SGCG: variants seen among roughly 807,000 people sequenced by gnomAD.
SGCG encodes gamma-sarcoglycan.
A neutral mutation model predicts 29.3 loss-of-function variants in SGCG; 26 were observed. That is an observed-to-expected ratio of 0.89 (90% CI 0.65 to 1.23). The LOEUF is 1.23. Ranked by LOEUF, SGCG falls within the 50% of genes most tolerant of loss-of-function variation. The probability of loss-of-function intolerance (pLI) is 0.00; values close to 1 mark genes in which losing one functional copy is unlikely to be tolerated. For synonymous variants in SGCG, 145 were observed against 129.7 expected, an observed-to-expected ratio of 1.12 and a Z score of -0.80; for missense variants, 353 against 356.0, an observed-to-expected ratio of 0.99 and a Z score of 0.07.
chr13:23,324,287 G>C (rs1883148439), intron 7 of SGCG, 81 bp from the exon 8 acceptor site: 1 of 1,360,916 alleles, frequency 7.3e-7, no homozygotes, highest in African/African-American at 1.4e-5. Context: ...AAACTAATTG[G>C]AAATCTTGTG....
chr13:23,228,919 G>A lies in SGCG; in HGVS notation c.196-5692G>A, dbSNP rs537732443. Reference sequence around the variant, plus strand: ...AGGGTCCTGCCCTGTCACCCAGGCTGGAGTGCAGTGGCACGATCTTGGCTC... The same window carrying A: ...AGGGTCCTGCCCTGTCACCCAGGCTAGAGTGCAGTGGCACGATCTTGGCTC... On this transcript the variant is annotated intron_variant, in intron 2 of 7. Transcript: ENST00000218867. Among the ~76,000 whole-genome samples the A allele has an allele frequency of 3.9e-5, 6 of 152,288 alleles. No homozygotes were observed. In the South Asian group the frequency reaches 1.0e-3, roughly 26 times the overall value.
At chr13:23,249,934 A>T (rs1879897038) in intron 3 of SGCG, among the ~76,000 whole-genome samples, 1 of 152,198 alleles carries the variant, frequency 6.6e-6, no homozygotes, top group African/African-American at 2.4e-5. Context: ...TTTTTTGTTT[A>T]GGTATAATTC....
At chr13:23,303,987 C>T (rs1241443770) in intron 6 of SGCG, among the ~76,000 whole-genome samples, 1 of 152,102 alleles carries the variant, frequency 6.6e-6, no homozygotes, top group Non-Finnish European at 1.5e-5. Context: ...TTATAGTTTA[C>T]ATTTCTCTTA....
At chr13:23,224,255 AC>A (rs1368613573) in intron 2 of SGCG, among the ~76,000 whole-genome samples, 2 of 152,196 alleles carry the variant, frequency 1.3e-5, no homozygotes, top group African/African-American at 4.8e-5. Flanking sequence ...TTTTACTCCA[AC>A]ATATGTGTTA....
intron 6 of SGCG, among the ~76,000 whole-genome samples, chr13:23,299,433 TATATATATATA>T (rs1224951056): frequency 0.011 from 337 of 30,780 alleles, 60 homozygotes; most frequent in African/African-American, 0.022. Context: ...TATATATATA[TATATATATATA>T]TATATATATA....
rs754696173 is a variant in SGCG, at chr13:23,295,501, T to C, written c.578+14T>C. On this transcript the variant is annotated intron_variant, in intron 6 of 7. Transcript: ENST00000218867. ...TCAAGACCTTAGGTAAGAATTTTTG[T>C]TCAAATATTAACAACCTCTCCTGTA... The C allele has an allele frequency of 8.6e-5, 137 of 1,589,618 alleles. No homozygotes were observed. Among genetic ancestry groups the C allele is most frequent in the Non-Finnish European group, 1.2e-5 (14 of 1,157,706 alleles).
chr13:23,304,417 C>T (rs1164243045), intron 6 of SGCG, among the ~76,000 whole-genome samples: 1 of 151,842 alleles, frequency 6.6e-6, no homozygotes, highest in Non-Finnish European at 1.5e-5. Flanking sequence ...AGTTGGCCAA[C>T]CAGATGTGCC....
At chr13:23,272,091 C>T (rs1202345526) in intron 4 of SGCG, among the ~76,000 whole-genome samples, 1 of 152,138 alleles carries the variant, frequency 6.6e-6, no homozygotes, top group Non-Finnish European at 1.5e-5. Context: ...ACTATTATAT[C>T]ATCTGCAAAT....
chr13:23,244,713 T>C (rs1425118457), intron 3 of SGCG: 1 of 152,120 alleles, frequency 6.6e-6, no homozygotes, highest in Non-Finnish European at 1.5e-5. Context: ...TAGGAGTATG[T>C]TGTGGGCTCA....
chr13:23,322,753 G>GC (rs71100171), intron 7 of SGCG, among the ~76,000 whole-genome samples: 50 of 9,994 alleles, frequency 5.0e-3, no homozygotes, highest in Non-Finnish European at 6.6e-3. Flanking sequence ...TGCACAGACC[G>GC]CCCCCCACCC....
chr13:23,245,173 C>T (rs1879658237), intron 3 of SGCG: 1 of 152,202 alleles, frequency 6.6e-6, no homozygotes, highest in Non-Finnish European at 1.5e-5. Flanking sequence ...GGGTTCCTTT[C>T]GTCCTTGTGA....
rs1419600302 is a variant in SGCG at position 23,242,963 on chromosome 13, C to CA, written c.298-7661dup. 5.3e-5 allele frequency among the ~76,000 whole-genome samples: 8 copies of CA among 152,190 alleles called. No homozygotes were observed. The East Asian group carries it at 9.6e-4, about 18-fold the overall frequency. ...TGGAAAATAAAGTCTCTGGACTTCA[C>CA]AAAAAACATCAGTTTTTATTAAAAA... On this transcript the variant is annotated intron_variant, in intron 3 of 7. Transcript: ENST00000218867.
chr13:23,231,186 G>A (rs560891938), intron 2 of SGCG, among the ~76,000 whole-genome samples: 1 of 152,098 alleles, frequency 6.6e-6, no homozygotes, highest in East Asian at 1.9e-4. Context: ...GAGTCGATTT[G>A]CTAGTATTTT....
chr13:23,181,727 A>AG (rs1876741858), intron 1 of SGCG, among the ~76,000 whole-genome samples: 3 of 152,366 alleles, frequency 2.0e-5, no homozygotes, highest in Middle Eastern at 3.4e-3. Context: ...GCTTCAGCTT[A>AG]CTGAAGTTAT....
At chr13:23,164,931 T>C in the SGCG span, among the ~76,000 whole-genome samples, 192 of 152,182 alleles carry the variant, frequency 1.3e-3, no homozygotes, top group African/African-American at 4.5e-3. Context: ...GGCAGCCTGC[T>C]CCACACCCTT....
chr13:23,191,458 C>T (rs564409269), intron 1 of SGCG, among the ~76,000 whole-genome samples: 13 of 152,108 alleles, frequency 8.5e-5, no homozygotes, highest in Middle Eastern at 3.2e-3. Flanking sequence ...GGCCCAAGAC[C>T]AGATGTCAAA....
At chr13:23,271,911 A>G (rs1033261836) in intron 4 of SGCG, among the ~76,000 whole-genome samples, 5 of 152,174 alleles carry the variant, frequency 3.3e-5, no homozygotes, top group Non-Finnish European at 4.4e-5. Context: ...ATTTTTAATC[A>G]TCTTTGTTGT....
the SGCG span, among the ~76,000 whole-genome samples, chr13:23,168,696 GCAGA>G: frequency 6.6e-6 from 1 of 152,132 alleles, no homozygotes; most frequent in Non-Finnish European, 1.5e-5. Flanking sequence ...ATCTATTCTA[GCAGA>G]CAAACATTTT....
intron 4 of SGCG, 128 bp downstream of exon 4, chr13:23,250,845 A>G (rs2137569662): frequency 1.4e-6 from 1 of 726,850 alleles, no homozygotes; most frequent in South Asian, 1.5e-5. Context: ...TCTAAATATC[A>G]TGCTGTGTTG....
Sources: gnomAD v4.1 joint callset for allele counts (sites outside exome capture counted in the v4.1 genomes callset) on GRCh38, gnomAD v4.1.1 for gene constraint, MANE v1.5 for transcripts, NCBI Gene and HGNC (gene_info 2026-07-23, HGNC 2026-07-21) for gene names.